C16orf46: variants seen among roughly 807,000 people sequenced by gnomAD.
C16orf46 encodes uncharacterized protein C16orf46.
C16orf46 carries 7 observed loss-of-function variants against 5.5 expected under a neutral mutation model. The observed-to-expected ratio is 1.28, with a 90% CI of 0.73 to 2.40. C16orf46 has a LOEUF of 2.40. Ranked by LOEUF, C16orf46 falls within the 30% of genes most tolerant of loss-of-function variation. C16orf46 has a pLI of 0.00. For synonymous variants in C16orf46, 200 were observed against 184.1 expected, an observed-to-expected ratio of 1.09 and a Z score of -0.70; for missense variants, 614 against 476.0, an observed-to-expected ratio of 1.29 and a Z score of -2.70.
rs113875109 is a variant in C16orf46 at position 81,066,026 on chromosome 16, C to T, written c.-39+167G>A. ...TCAGCCTCCCGAGTAGCTGGGATTA[C>T]GGGCGTGAGTCACCGTGCCTGGCCA... is the stretch of plus-strand genomic sequence containing the variant. On this transcript the variant is annotated intron_variant, in intron 2 of 3. Transcript: ENST00000299578. 1.4e-3 allele frequency among the ~76,000 whole-genome samples: 215 copies of T among 151,952 alleles called. 1 individual carries two copies. Among genetic ancestry groups the T allele is most frequent in the African/African-American group, 4.9e-3 (202 of 41,454 alleles).
At chr16:81,075,068 T>A (rs1485888099) in intron 1 of C16orf46, among the ~76,000 whole-genome samples, 1 of 152,142 alleles carries the variant, frequency 6.6e-6, no homozygotes, top group East Asian at 1.9e-4. Context: ...CCTCTGGGTA[T>A]CCCTTTCACT....
chr16:81,064,222 A>T (rs758380786), intron 2 of C16orf46, among the ~76,000 whole-genome samples: 4 of 151,904 alleles, frequency 2.6e-5, no homozygotes, highest in Non-Finnish European at 5.9e-5. Context: ...AGTCTCTACT[A>T]AAAATAAGGC....
At chr16:81,058,218 G>A (rs1452800859), downstream of C16orf46, among the ~76,000 whole-genome samples, 1 of 152,050 alleles carries the variant, frequency 6.6e-6, no homozygotes, top group East Asian at 1.9e-4. Flanking sequence ...GCAAAGCTGG[G>A]GTACTAAAAA....
intron 1 of C16orf46, among the ~76,000 whole-genome samples, chr16:81,075,042 G>A (rs1051272111): frequency 6.6e-6 from 1 of 152,154 alleles, no homozygotes; most frequent in Non-Finnish European, 1.5e-5. Flanking sequence ...TGAGAAGGAT[G>A]GGTAAAGGAT....
intron 1 of C16orf46, among the ~76,000 whole-genome samples, chr16:81,068,651 T>C (rs1484227383): frequency 8.6e-5 from 13 of 151,470 alleles, no homozygotes. Context: ...CCTCTCATTT[T>C]GGCTTCCCAA....
intron 1 of C16orf46, among the ~76,000 whole-genome samples, chr16:81,070,765 G>A (rs965260460): frequency 3.9e-5 from 6 of 152,110 alleles, no homozygotes; most frequent in African/African-American, 1.4e-4. Context: ...TCGGCTCACT[G>A]CAACCTCCGC....
At chr16:81,073,573 A>G (rs970289087) in intron 1 of C16orf46, among the ~76,000 whole-genome samples, 6 of 152,224 alleles carry the variant, frequency 3.9e-5, no homozygotes, top group African/African-American at 1.4e-4. Flanking sequence ...TTGCAGATGT[A>G]ATTATGGTTA....
chr16:81,072,921 T>C (rs930199340), intron 1 of C16orf46, among the ~76,000 whole-genome samples: 2 of 152,146 alleles, frequency 1.3e-5, no homozygotes, highest in African/African-American at 2.4e-5. Flanking sequence ...CAGGCTGGTC[T>C]CCAACTCCTG....
chr16:81,073,366 G>T (rs777734805), intron 1 of C16orf46, among the ~76,000 whole-genome samples: 1 of 152,094 alleles, frequency 6.6e-6, no homozygotes, highest in East Asian at 1.9e-4. Context: ...AGCATATAAG[G>T]TTAATTTATG....
At position 81,063,769 on chromosome 16, in the gene C16orf46, T is replaced by C; in HGVS notation, c.187A>G (p.Ile63Val). 1 of 1,613,728 alleles carries C rather than the reference T, an allele frequency of 6.2e-7. No individual in the cohort carries two copies. The highest frequency in any genetic ancestry group is 8.5e-7 in the Non-Finnish European group (1 of 1,179,700). Residue 63 changes from isoleucine to valine, a missense_variant, in exon 3 of 4, where the codon ATT (isoleucine) becomes GTT (valine). Ile to Val is a conservative substitution (Grantham distance 29). Transcript: ENST00000299578. ...ACTGCCTCTTCCCATCCAGTTCCAA[T>C]AATAAACTCTTTGGCTTTTTCATCT... ...EQDEKAKEFI[I>V]GTGWEEAVQG...
At chr16:81,071,520 G>A (rs1022950971) in intron 1 of C16orf46, among the ~76,000 whole-genome samples, 1 of 152,156 alleles carries the variant, frequency 6.6e-6, no homozygotes, top group Admixed American at 6.5e-5. Flanking sequence ...GTTGAGGCAG[G>A]AGGATCACTT....
At chr16:81,075,560 A>T (rs1055089882) in intron 1 of C16orf46, among the ~76,000 whole-genome samples, 1 of 152,240 alleles carries the variant, frequency 6.6e-6, no homozygotes, top group African/African-American at 2.4e-5. Context: ...ACTACACTCC[A>T]ACCTGGGTAA....
chr16:81,066,042 T>G (rs1971646143), intron 2 of C16orf46, among the ~76,000 whole-genome samples, 151 bp downstream of exon 2: 1 of 151,408 alleles, frequency 6.6e-6, no homozygotes, highest in Admixed American at 6.6e-5. Context: ...TGAGTCACCG[T>G]GCCTGGCCAA....
chr16:81,058,059 C>T, downstream of C16orf46: 1 of 173,416 alleles, frequency 5.8e-6, no homozygotes, highest in Non-Finnish European at 1.2e-5. Context: ...CAAAACAAAA[C>T]AAAACCTGAA....
At chr16:81,076,867 CCCATT>C (rs1219661706) in intron 1 of C16orf46, 2 of 152,530 alleles carry the variant, frequency 1.3e-5, no homozygotes, top group Non-Finnish European at 2.9e-5. Flanking sequence ...TTCAAACTAT[CCCATT>C]CAGAAAAGCG....
Position 81,061,884 on chromosome 16 carries a change from G to A in C16orf46, c.465C>T (p.Tyr155=), listed in dbSNP as rs767463649. 6.8e-6 allele frequency: 11 copies of A among 1,614,218 alleles called. No homozygotes were observed. The highest frequency in any genetic ancestry group is 9.3e-6 in the Non-Finnish European group (11 of 1,180,042). The part of the protein sequence containing the change: ...RAISDICFPT[Y]FRAEKKSLQI... Reference sequence around the variant, plus strand: ...GCAGACTTTTTTTCTCTGCTCGAAAGTAGGTGGGAAAGCAGATGTCGCTAA... The same window carrying A: ...GCAGACTTTTTTTCTCTGCTCGAAAATAGGTGGGAAAGCAGATGTCGCTAA... Residue 155 remains tyrosine, a synonymous_variant, in exon 4 of 4, where the codon TAC becomes TAT. Transcript: ENST00000299578.
intron 1 of C16orf46, among the ~76,000 whole-genome samples, chr16:81,070,959 T>C (rs1042798278): frequency 6.6e-6 from 1 of 152,210 alleles, no homozygotes; most frequent in African/African-American, 2.4e-5. Flanking sequence ...CAGACTCTTC[T>C]TCTGTATGGG....
intron 1 of C16orf46, among the ~76,000 whole-genome samples, chr16:81,075,910 G>A (rs1016284386): frequency 1.3e-5 from 2 of 152,148 alleles, no homozygotes; most frequent in African/African-American, 4.8e-5. Flanking sequence ...CAGATAGATG[G>A]TAATCTCTCA....
chr16:81,056,767 G>A (rs1971308614), downstream of C16orf46, among the ~76,000 whole-genome samples: 2 of 151,226 alleles, frequency 1.3e-5, no homozygotes, highest in East Asian at 1.9e-4. Context: ...ACCTAGGCAG[G>A]TGCCACCATG....
Sources: allele counts gnomAD v4.1 joint callset (sites outside exome capture counted in the v4.1 genomes callset), GRCh38; gene constraint gnomAD v4.1.1; transcripts MANE v1.5; gene names NCBI Gene and HGNC (gene_info 2026-07-23, HGNC 2026-07-21).